The following CAST variants were observed in gnomAD, a reference collection of about 807,000 sequenced individuals.
CAST encodes MIR583 host.
A neutral mutation model predicts 119.6 loss-of-function variants in CAST; 76 were observed. The ratio of observed to expected loss-of-function variants is 0.64; its 90% CI spans 0.53 to 0.77. The LOEUF is 0.77. Among genes scored for constraint, CAST ranks in the 30% least tolerant of loss-of-function variants. The probability of loss-of-function intolerance (pLI) is 0.00; values close to 1 mark genes in which losing one functional copy is unlikely to be tolerated. For synonymous variants in CAST, 319 were observed against 331.6 expected, an observed-to-expected ratio of 0.96 and a Z score of 0.41; for missense variants, 953 against 946.5, an observed-to-expected ratio of 1.01 and a Z score of -0.09.
chr5:96,432,069 A>C, the CAST span: 3 of 1,525,018 alleles, frequency 2.0e-6, no homozygotes, highest in Non-Finnish European at 2.6e-6. Context: ...ATTCCCGGGA[A>C]AACGATTACG....
At chr5:96,453,984 G>A in the CAST span, among the ~76,000 whole-genome samples, 1 of 152,160 alleles carries the variant, frequency 6.6e-6, no homozygotes, top group Non-Finnish European at 1.5e-5. Context: ...TGGTTCTACT[G>A]CGCAGAATTT....
chr5:96,496,545 G>A, the CAST span, among the ~76,000 whole-genome samples: 3 of 152,154 alleles, frequency 2.0e-5, no homozygotes, highest in Non-Finnish European at 4.4e-5. Context: ...AATGCAAAGT[G>A]GAATCACTAA....
the CAST span, among the ~76,000 whole-genome samples, chr5:96,511,378 G>A: frequency 2.6e-5 from 4 of 152,230 alleles, no homozygotes; most frequent in South Asian, 8.3e-4. Flanking sequence ...TCTTGATCTC[G>A]TGATCTACCT....
At chr5:96,471,012 T>C in the CAST span, among the ~76,000 whole-genome samples, 1 of 152,124 alleles carries the variant, frequency 6.6e-6, no homozygotes, top group African/African-American at 2.4e-5. Context: ...TTTGAGGTCA[T>C]GGAGATAGGA....
At chr5:96,584,948 C>T (rs1337380345) in intron 1 of CAST, 3 of 152,230 alleles carry the variant, frequency 2.0e-5, no homozygotes, top group Non-Finnish European at 4.4e-5. Flanking sequence ...TCCCGTCTCC[C>T]TCTAGCACCC....
At chr5:96,041,588 T>C in the CAST span, among the ~76,000 whole-genome samples, 2 of 151,860 alleles carry the variant, frequency 1.3e-5, no homozygotes, top group East Asian at 3.9e-4. Context: ...TAAATATGAG[T>C]TCACTAACTA....
At chr5:96,638,856 T>C (rs1257124138) in intron 1 of CAST, among the ~76,000 whole-genome samples, 1 of 152,202 alleles carries the variant, frequency 6.6e-6, no homozygotes, top group Non-Finnish European at 1.5e-5. Context: ...AACAAACTTT[T>C]ACCACTGCAG....
At chr5:96,351,282 A>T in the CAST span, among the ~76,000 whole-genome samples, 1 of 152,034 alleles carries the variant, frequency 6.6e-6, no homozygotes, top group African/African-American at 2.4e-5. Context: ...TATTTATCTG[A>T]CCCTTAGGTT....
the CAST span, among the ~76,000 whole-genome samples, chr5:96,446,644 T>C: frequency 1.1e-4 from 16 of 152,258 alleles, no homozygotes; most frequent in East Asian, 3.1e-3. Flanking sequence ...GAGATGGAAA[T>C]CTATAAAGTC....
the CAST span, among the ~76,000 whole-genome samples, chr5:96,023,798 TA>T: frequency 0.01 from 1,490 of 147,270 alleles, 12 homozygotes; most frequent in Middle Eastern, 0.031. Flanking sequence ...GAGTAGGAAT[TA>T]AAAAAAAAAA....
chr5:96,534,751 AAGAAAGAAAGAAAGAAAGAAAG>A (rs1745761335), intron 1 of CAST, among the ~76,000 whole-genome samples: 1 of 24,300 alleles, frequency 4.1e-5, no homozygotes, highest in African/African-American at 1.3e-4. Context: ...GAAAGAAAGA[AAGAAAGAAAGAAAGAAAGAAAG>A]AAAGAAAGAA....
At chr5:96,266,139 A>G in the CAST span, among the ~76,000 whole-genome samples, 1 of 152,206 alleles carries the variant, frequency 6.6e-6, no homozygotes, top group African/African-American at 2.4e-5. Flanking sequence ...GAACTAAAAT[A>G]TGAGGATGAG....
the CAST span, among the ~76,000 whole-genome samples, chr5:96,026,982 A>T: frequency 6.6e-6 from 1 of 152,116 alleles, no homozygotes; most frequent in Non-Finnish European, 1.5e-5. Flanking sequence ...ACTGAGAAGC[A>T]GGAGGATTGC....
At chr5:96,050,605 G>A in the CAST span, among the ~76,000 whole-genome samples, 1 of 152,220 alleles carries the variant, frequency 6.6e-6, no homozygotes, top group Non-Finnish European at 1.5e-5. Flanking sequence ...CTGGCCATAG[G>A]GCAAAAGCAT....
chr5:96,472,919 G>A, the CAST span, among the ~76,000 whole-genome samples: 1 of 152,190 alleles, frequency 6.6e-6, no homozygotes, highest in South Asian at 2.1e-4. Context: ...CCCTCTAGGA[G>A]AGAAGGCTTC....
the CAST span, among the ~76,000 whole-genome samples, chr5:96,025,168 G>A: frequency 6.6e-6 from 1 of 152,070 alleles, no homozygotes; most frequent in African/African-American, 2.4e-5. Context: ...ATTACCGTAG[G>A]CTAGGGGGGT....
intron 1 of CAST, among the ~76,000 whole-genome samples, chr5:96,646,039 A>T (rs1037003971): frequency 6.6e-6 from 1 of 152,176 alleles, no homozygotes; most frequent in African/African-American, 2.4e-5. Flanking sequence ...CTCTAACCTG[A>T]TTCAAAATAA....
chr5:96,302,440 T>A, the CAST span, among the ~76,000 whole-genome samples: 1 of 152,164 alleles, frequency 6.6e-6, no homozygotes. Flanking sequence ...CCTGAATTCC[T>A]CCCCGAGAAA....
At chr5:95,990,739 A>T in the CAST span, among the ~76,000 whole-genome samples, 2 of 151,962 alleles carry the variant, frequency 1.3e-5, no homozygotes, top group Admixed American at 6.6e-5. Context: ...AAATTAATTA[A>T]TTTTTTATCT....
Sources: allele counts gnomAD v4.1 joint callset (sites outside exome capture counted in the v4.1 genomes callset), GRCh38; gene constraint gnomAD v4.1.1; transcripts MANE v1.5; gene names NCBI Gene and HGNC (gene_info 2026-07-23, HGNC 2026-07-21).